CHL1: variants seen among roughly 807,000 people sequenced by gnomAD.
The protein encoded by CHL1 is neural cell adhesion molecule L1-like protein.
In CHL1, 96 loss-of-function variants were observed where a neutral mutation model predicts 141.9. The ratio of observed to expected loss-of-function variants is 0.68; its 90% CI spans 0.57 to 0.80. The LOEUF (loss-of-function observed/expected upper bound fraction) is 0.80, where lower values mean the gene tolerates loss of function less well. Ranked by LOEUF, CHL1 falls within the 30% of genes least tolerant of loss-of-function variation. CHL1 has a pLI of 0.00. For synonymous variants in CHL1, 613 were observed against 502.2 expected (o/e 1.22, Z -2.95); for missense variants, 1,820 against 1,457.2 (o/e 1.25, Z -4.05).
intron 2 of CHL1, among the ~76,000 whole-genome samples, chr3:311,358 A>G (rs906883061): frequency 6.8e-6 from 1 of 147,930 alleles, no homozygotes; most frequent in Admixed American, 6.7e-5. Context: ...TTTATTGACC[A>G]CACAACTTTT....
At chr3:334,329 G>A (rs1197014618) in intron 5 of CHL1, among the ~76,000 whole-genome samples, 3 of 151,980 alleles carry the variant, frequency 2.0e-5, no homozygotes, top group Non-Finnish European at 4.4e-5. Flanking sequence ...ATGACACTAT[G>A]CCCCACCAAT....
At position 382,284 on chromosome 3, in the gene CHL1, G is replaced by A. The variant is rs376774450; in HGVS notation, c.1978+4G>A. 3.6e-4 allele frequency: 587 copies of A among 1,610,592 alleles called. 6 individuals carry two copies. The South Asian group carries it at 5.9e-3, about 16-fold the overall frequency. On this transcript the variant is annotated splice_donor_region_variant and intron_variant, in intron 17 of 27. Coordinates refer to ENST00000256509, the MANE Select transcript of CHL1 (RefSeq NM_006614.4). ...GACCACAACAGCAATATTAGCGGTA[G>A]GAAGACTTGGGATAACTGTTTTCAT...
intron 15 of CHL1, among the ~76,000 whole-genome samples, chr3:377,423 C>G (rs1706469338): frequency 6.6e-6 from 1 of 152,106 alleles, no homozygotes; most frequent in Non-Finnish European, 1.5e-5. Context: ...AGGAATCTGC[C>G]TTTGTAGGAA....
In CHL1 at chr3:375,904, A is replaced by G. The variant is rs183392057; in HGVS notation, c.1752-1914A>G. ...ATAGTGCCTTCAGGGAAACACGGAT[A>G]TTACTCAGCTGAACAGGGTAAGACA... On this transcript the variant is annotated intron_variant, in intron 15 of 27. Coordinates refer to ENST00000256509, the MANE Select transcript of CHL1 (RefSeq NM_006614.4). Among the ~76,000 whole-genome samples, 90 of 152,310 alleles carry G rather than the reference A, an allele frequency of 5.9e-4. 1 individual carries two copies. Among genetic ancestry groups the G allele is most frequent in the East Asian group, 1.9e-3 (10 of 5,174 alleles).
intron 16 of CHL1, among the ~76,000 whole-genome samples, chr3:380,547 T>C (rs957470388): frequency 1.8e-4 from 27 of 152,262 alleles, no homozygotes; most frequent in Non-Finnish European, 3.8e-4. Flanking sequence ...TTTCATTTTC[T>C]TTAGTACTCA....
Position 249,960 on chromosome 3 carries a change from G to GA in CHL1, c.-95+5276dup, listed in dbSNP as rs540627692. Among the ~76,000 whole-genome samples the GA allele has an allele frequency of 6.5e-4, 98 of 150,764 alleles. No individual in the cohort carries two copies. In the East Asian group the frequency reaches 0.015, roughly 22 times the overall value. ...AAACTAACAAAAGACAGATTAATAG[G>GA]AAAAAAAAGCATACTTTTTTTTTTT... On this transcript the variant is annotated intron_variant, in intron 2 of 27. Coordinates refer to ENST00000256509, the MANE Select transcript of CHL1 (RefSeq NM_006614.4).
intron 2 of CHL1, among the ~76,000 whole-genome samples, chr3:275,243 A>G (rs985549373): frequency 1.7e-4 from 26 of 152,320 alleles, no homozygotes; most frequent in African/African-American, 5.8e-4. Flanking sequence ...ATTATCTAGC[A>G]TTTGCTAACA....
At chr3:394,964 G>T (rs907468182) in intron 24 of CHL1, 92 bp downstream of exon 24, 30 of 1,057,832 alleles carry the variant, frequency 2.8e-5, no homozygotes, top group Non-Finnish European at 3.6e-5. Context: ...CACCGTGCCA[G>T]TCATTGTAAA....
chr3:318,821 T>C (rs114758330), intron 2 of CHL1, among the ~76,000 whole-genome samples: 4,170 of 151,710 alleles, frequency 0.027, 187 homozygotes, highest in African/African-American at 0.095. Context: ...ATCATTGATG[T>C]ATTTGTGATC....
At chr3:387,691 G>T (rs1290763738) in intron 19 of CHL1, among the ~76,000 whole-genome samples, 1 of 152,122 alleles carries the variant, frequency 6.6e-6, no homozygotes, top group Non-Finnish European at 1.5e-5. Context: ...GGCACTACAA[G>T]CCCATGGCCT....
chr3:332,795 C>G (rs1157061537), intron 5 of CHL1, among the ~76,000 whole-genome samples: 1 of 152,084 alleles, frequency 6.6e-6, no homozygotes, highest in Non-Finnish European at 1.5e-5. Context: ...ATATACTTCA[C>G]TGAAATAAGT....
In CHL1 at chr3:323,900, A is replaced by C. The variant is rs984636114; in HGVS notation, c.92-2059A>C. Among the ~76,000 whole-genome samples, 3 of 152,136 alleles carry C rather than the reference A, an allele frequency of 2.0e-5. No individual in the cohort carries two copies. In the South Asian group the frequency reaches 6.2e-4, roughly 31 times the overall value. On this transcript the variant is annotated intron_variant, in intron 3 of 27. Transcript: ENST00000256509. ...GAAAAAAGCAATTACAGAGATTTGC[A>C]ATCATGTAAAGTAATGCCCTTCTTC... is the stretch of plus-strand genomic sequence containing the variant.
At chr3:336,904 C>T (rs1312111426) in intron 5 of CHL1, among the ~76,000 whole-genome samples, 2 of 152,132 alleles carry the variant, frequency 1.3e-5, no homozygotes, top group African/African-American at 4.8e-5. Context: ...GCTAGCTTGT[C>T]TGTAGGGAAG....
chr3:381,336 C>T (rs1308602579), intron 16 of CHL1, among the ~76,000 whole-genome samples: 1 of 152,090 alleles, frequency 6.6e-6, no homozygotes, highest in Non-Finnish European at 1.5e-5. Context: ...TGGGGTCCAC[C>T]AACCCAGTGC....
chr3:249,745 C>A (rs935291794), intron 2 of CHL1, among the ~76,000 whole-genome samples: 5 of 152,046 alleles, frequency 3.3e-5, no homozygotes, highest in Admixed American at 1.3e-4. Flanking sequence ...TGGTCACAGA[C>A]TTTGGTCCAT....
chr3:312,476 G>A lies in CHL1; in HGVS notation c.-94-7207G>A, dbSNP rs1235758681. On this transcript the variant is annotated intron_variant, in intron 2 of 27. Transcript: ENST00000256509. Reference sequence around the variant, plus strand: ...TTGATTTATGGTATTAGCCAGGCAGGTGATTGAACAAAAGCCTTTTAATGT... The same window carrying A: ...TTGATTTATGGTATTAGCCAGGCAGATGATTGAACAAAAGCCTTTTAATGT... 3.9e-5 allele frequency among the ~76,000 whole-genome samples: 6 copies of A among 152,184 alleles called. No homozygotes were observed. In the East Asian group the frequency reaches 5.8e-4, roughly 15 times the overall value.
At chr3:360,780 C>A (rs1704168777) in intron 12 of CHL1, among the ~76,000 whole-genome samples, 1 of 134,206 alleles carries the variant, frequency 7.5e-6, no homozygotes, top group Non-Finnish European at 1.5e-5. Context: ...TGTGATGTTC[C>A]CCTTCCTGTG....
chr3:322,501 G>T (rs1489712198), intron 3 of CHL1, among the ~76,000 whole-genome samples: 1 of 150,864 alleles, frequency 6.6e-6, no homozygotes, highest in Non-Finnish European at 1.5e-5. Flanking sequence ...GTTGTCATTT[G>T]CTCTGATGAT....
intron 1 of CHL1, 30 bp downstream of exon 1, chr3:197,093 C>G (rs1167953924): frequency 1.3e-5 from 2 of 152,098 alleles, no homozygotes; most frequent in Admixed American, 1.3e-4. Context: ...CCGCTGGCAT[C>G]TCTCGTGCCG....
Sources: allele counts gnomAD v4.1 joint callset (sites outside exome capture counted in the v4.1 genomes callset), GRCh38; gene constraint gnomAD v4.1.1; transcripts MANE v1.5; gene names NCBI Gene and HGNC (gene_info 2026-07-23, HGNC 2026-07-21).